Variants in GRK5 observed in about 807,000 individuals in gnomAD.
The protein encoded by GRK5 is g protein-coupled receptor kinase GRK5.
In GRK5, 40 loss-of-function variants were observed where a neutral mutation model predicts 78.4. That is an observed-to-expected ratio of 0.51 (90% CI 0.40 to 0.66). GRK5 has a LOEUF of 0.66. Among genes scored for constraint, GRK5 ranks in the 30% least tolerant of loss-of-function variants. The pLI is 0.00. For synonymous variants in GRK5, 289 were observed against 296.8 expected, an observed-to-expected ratio of 0.97 and a Z score of 0.27; for missense variants, 598 against 759.9, an observed-to-expected ratio of 0.79 and a Z score of 2.50.
intron 1 of GRK5, among the ~76,000 whole-genome samples, chr10:119,308,099 T>C (rs1485019894): frequency 1.3e-5 from 2 of 152,090 alleles, no homozygotes; most frequent in East Asian, 3.9e-4. Context: ...GTATGCCCAG[T>C]GCGCCTTTGT....
chr10:119,230,323 T>C (rs1401915306), intron 1 of GRK5, among the ~76,000 whole-genome samples: 1 of 152,054 alleles, frequency 6.6e-6, no homozygotes, highest in Admixed American at 6.5e-5. Flanking sequence ...CATATATTAG[T>C]CCATTTTCAC....
At chr10:119,306,987 G>T (rs1850282294) in intron 1 of GRK5, among the ~76,000 whole-genome samples, 1 of 152,116 alleles carries the variant, frequency 6.6e-6, no homozygotes, top group South Asian at 2.1e-4. Flanking sequence ...CCAGCCGTCA[G>T]TGAGGAGCAG....
Position 119,325,550 on chromosome 10 carries a change from G to T in GRK5, c.53-966G>T, listed in dbSNP as rs116843376. 4.5e-4 allele frequency among the ~76,000 whole-genome samples: 68 copies of T among 152,276 alleles called. No individual in the cohort carries two copies. The East Asian group carries it at 9.9e-3, about 22-fold the overall frequency. ...GGCACAAAGGGCTCCATGACCTGTGGTGAGTCATGGACAGATGGTGGCTAA... is the reference window on the plus strand; with the variant it reads ...GGCACAAAGGGCTCCATGACCTGTGTTGAGTCATGGACAGATGGTGGCTAA... On this transcript the variant is annotated intron_variant, in intron 1 of 15. Transcript: ENST00000392870.
chr10:119,450,749 C>T (rs1021070798), intron 13 of GRK5, among the ~76,000 whole-genome samples: 49 of 152,092 alleles, frequency 3.2e-4, no homozygotes, highest in African/African-American at 1.1e-3. Flanking sequence ...CCCCGCAAAG[C>T]GCACAGCCTG....
At chr10:119,384,951 A>G (rs1461584844) in intron 3 of GRK5, among the ~76,000 whole-genome samples, 2 of 152,220 alleles carry the variant, frequency 1.3e-5, no homozygotes, top group African/African-American at 4.8e-5. Context: ...TGGTTGTATC[A>G]TGAAGTAGGA....
chr10:119,399,324 G>A (rs1852109493), intron 4 of GRK5, among the ~76,000 whole-genome samples: 1 of 152,150 alleles, frequency 6.6e-6, no homozygotes, highest in Admixed American at 6.5e-5. Context: ...GCTTGCTCTG[G>A]AGCCTCATTT....
At chr10:119,259,354 G>A (rs143545095) in intron 1 of GRK5, among the ~76,000 whole-genome samples, 1,731 of 152,200 alleles carry the variant, frequency 0.011, 28 homozygotes, top group African/African-American at 0.04. Context: ...GTGAGCCACT[G>A]CGCCCGGCCT....
At chr10:119,321,118 G>T (rs1282962963) in intron 1 of GRK5, among the ~76,000 whole-genome samples, 6 of 152,208 alleles carry the variant, frequency 3.9e-5, no homozygotes, top group Non-Finnish European at 7.3e-5. Flanking sequence ...GGCAGGTTTT[G>T]TTTGTTGTTA....
chr10:119,299,793 G>GGTGT (rs1850143219), intron 1 of GRK5, among the ~76,000 whole-genome samples: 7 of 117,624 alleles, frequency 6.0e-5, no homozygotes, highest in African/African-American at 2.4e-4. Flanking sequence ...CATTTAAGCA[G>GGTGT]ATGTGTGTGT....
chr10:119,246,038 A>AAAAAAAAG (rs1333820307), intron 1 of GRK5, among the ~76,000 whole-genome samples: 4 of 146,436 alleles, frequency 2.7e-5, no homozygotes, highest in Non-Finnish European at 4.4e-5. Context: ...AAAAAAAAAA[A>AAAAAAAAG]AAAAAAAGAA....
chr10:119,290,364 C>CAAAACAAAAAAAAAA (rs1181428822), intron 1 of GRK5, among the ~76,000 whole-genome samples: 1 of 115,336 alleles, frequency 8.7e-6, no homozygotes, highest in African/African-American at 3.4e-5. Flanking sequence ...AAAAAAAAAA[C>CAAAACAAAAAAAAAA]AAAAAACAAC....
intron 1 of GRK5, among the ~76,000 whole-genome samples, chr10:119,283,530 G>T (rs889909312): frequency 6.6e-6 from 1 of 152,320 alleles, no homozygotes; most frequent in Middle Eastern, 3.4e-3. Flanking sequence ...CTTCAGGAAC[G>T]CCTGCCCGTG....
At chr10:119,391,277 T>C (rs1362512518) in intron 3 of GRK5, among the ~76,000 whole-genome samples, 2 of 151,142 alleles carry the variant, frequency 1.3e-5, no homozygotes, top group East Asian at 4.0e-4. Flanking sequence ...GCTCTGGGGT[T>C]GACCAGGTAC....
At position 119,386,380 on chromosome 10, in the gene GRK5, G is replaced by A. The variant is rs552637991; in HGVS notation, c.261+5453G>A. On this transcript the variant is annotated intron_variant, in intron 3 of 15. Transcript: ENST00000392870. ...TAGAGAGTTGATGAGGCAGAGCAGAGTGAGGCTAAGCCTAGGAGTCGGTGG... is the reference window on the plus strand; with the variant it reads ...TAGAGAGTTGATGAGGCAGAGCAGAATGAGGCTAAGCCTAGGAGTCGGTGG... 3.3e-5 allele frequency among the ~76,000 whole-genome samples: 5 copies of A among 152,342 alleles called. No homozygotes were observed. In the East Asian group the frequency reaches 7.7e-4, roughly 24 times the overall value.
chr10:119,276,236 T>C (rs926847006), intron 1 of GRK5, among the ~76,000 whole-genome samples: 1 of 152,148 alleles, frequency 6.6e-6, no homozygotes, highest in African/African-American at 2.4e-5. Flanking sequence ...CATTTAGCAT[T>C]AGATATATCT....
At position 119,396,154 on chromosome 10, in the gene GRK5, G is replaced by A. The variant is rs78954557; in HGVS notation, c.262-541G>A. ...CCAGGCCAAGAGCTTGATCACTTCC[G>A]TCTGTATAATCAGTGTATACCTAGG... On this transcript the variant is annotated intron_variant, in intron 3 of 15. Transcript: ENST00000392870. Among the ~76,000 whole-genome samples the A allele has an allele frequency of 1.5e-3, 224 of 152,300 alleles. 1 individual carries two copies. Among genetic ancestry groups the A allele is most frequent in the Middle Eastern group, 3.4e-3 (1 of 294 alleles).
intron 2 of GRK5, among the ~76,000 whole-genome samples, chr10:119,372,772 A>G (rs1851565875): frequency 6.6e-6 from 1 of 152,022 alleles, no homozygotes; most frequent in Non-Finnish European, 1.5e-5. Flanking sequence ...TAAAGGCTTC[A>G]AATAAAGAAA....
chr10:119,263,800 C>T (rs1413097943), intron 1 of GRK5, among the ~76,000 whole-genome samples: 1 of 152,044 alleles, frequency 6.6e-6, no homozygotes, highest in Non-Finnish European at 1.5e-5. Flanking sequence ...GTGGCGGGCG[C>T]CTGTATAGTC....
At chr10:119,231,072 A>C (rs1848820730) in intron 1 of GRK5, among the ~76,000 whole-genome samples, 1 of 152,098 alleles carries the variant, frequency 6.6e-6, no homozygotes, top group South Asian at 2.1e-4. Context: ...CATGGCGGTG[A>C]GTGGAAGGAC....
Sources: allele counts gnomAD v4.1 joint callset (sites outside exome capture counted in the v4.1 genomes callset), GRCh38; gene constraint gnomAD v4.1.1; transcripts MANE v1.5; gene names NCBI Gene and HGNC (gene_info 2026-07-23, HGNC 2026-07-21).